PCDHGA7: variants seen among roughly 807,000 people sequenced by gnomAD.
The protein encoded by PCDHGA7 is protocadherin gamma subfamily A, 7.
Under a neutral mutation model 58.3 loss-of-function variants are expected in PCDHGA7, and 44 were observed. The observed-to-expected ratio is 0.75, with a 90% confidence interval of 0.59 to 0.97. The LOEUF is 0.97. Among genes scored for constraint, PCDHGA7 ranks in the 50% least tolerant of loss-of-function variants. The pLI is 0.00. For missense variants in PCDHGA7, 1,266 were observed against 1,188.7 expected, an observed-to-expected ratio of 1.06 and a Z score of -0.96; for synonymous variants, 516 against 504.2, an observed-to-expected ratio of 1.02 and a Z score of -0.31.
rs1229623400 is a variant in PCDHGA7, at chr5:141,505,984, T to A, written c.2572+503T>A. 4.6e-5 allele frequency among the ~76,000 whole-genome samples: 7 copies of A among 152,198 alleles called. No homozygotes were observed. In the East Asian group the frequency reaches 1.4e-3, roughly 30 times the overall value. On this transcript the variant is annotated intron_variant, in intron 3 of 3. Coordinates refer to ENST00000518325, the MANE Select transcript of PCDHGA7 (RefSeq NM_018920.4). ...AGAAATCCCCAGCCGAGAGAACACC[T>A]CCTCTTTATGCGAGGCTCCTCTTTT...
chr5:141,426,431 A>G (rs916399837), intron 1 of PCDHGA7: 1 of 297,328 alleles, frequency 3.4e-6, no homozygotes, highest in Non-Finnish European at 6.7e-6. Context: ...GTGGTGGGGA[A>G]CCTTGCGGAG....
chr5:141,436,099 T>C (rs1400528271), intron 1 of PCDHGA7, among the ~76,000 whole-genome samples: 1 of 152,128 alleles, frequency 6.6e-6, no homozygotes, highest in Non-Finnish European at 1.5e-5. Flanking sequence ...TTGAGAGAAA[T>C]AGAGGACAAT....
At chr5:141,408,784 A>G (rs777838376) in intron 1 of PCDHGA7, 2 of 1,612,506 alleles carry the variant, frequency 1.2e-6, no homozygotes, top group Admixed American at 1.7e-5. Context: ...ACCCAGAGTT[A>G]TCTCTGGAGA....
At chr5:141,474,807 A>C (rs945920397) in intron 1 of PCDHGA7, among the ~76,000 whole-genome samples, 8 of 152,364 alleles carry the variant, frequency 5.3e-5, no homozygotes, top group Admixed American at 1.3e-4. Context: ...AGTGGTTTGC[A>C]TCATTAATTG....
chr5:141,472,751 G>A (rs1000022316), intron 1 of PCDHGA7, among the ~76,000 whole-genome samples: 5 of 151,850 alleles, frequency 3.3e-5, no homozygotes, highest in East Asian at 3.9e-4. Flanking sequence ...TTTGGGAGGC[G>A]GAGGCTGGCA....
chr5:141,405,238 C>T, intron 1 of PCDHGA7: 1 of 1,614,168 alleles, frequency 6.2e-7, no homozygotes, highest in African/African-American at 1.3e-5. Flanking sequence ...TCACCGCTGA[C>T]TCAAGGAAGA....
At position 141,389,081 on chromosome 5, in the gene PCDHGA7, G is replaced by A. The variant is rs371979686; in HGVS notation, c.2424+3758G>A. On this transcript the variant is annotated intron_variant, in intron 1 of 3. Transcript: ENST00000518325. Reference sequence around the variant, plus strand: ...AAATATTAACTTCTTCAAGAAACACGTATAAATTAGTGACAGATGCTGTTC... The same window carrying A: ...AAATATTAACTTCTTCAAGAAACACATATAAATTAGTGACAGATGCTGTTC... 1.5e-5 allele frequency: 24 copies of A among 1,613,978 alleles called. No homozygotes were observed. In the South Asian group the frequency reaches 2.0e-4, roughly 13 times the overall value.
At chr5:141,418,899 T>C (rs1320380997) in intron 1 of PCDHGA7, 1 of 1,613,944 alleles carries the variant, frequency 6.2e-7, no homozygotes. Flanking sequence ...AGCCCAGAAA[T>C]AATCATCACG....
At chr5:141,414,821 A>G (rs1321959107) in intron 1 of PCDHGA7, 1 of 1,614,226 alleles carries the variant, frequency 6.2e-7, no homozygotes, top group South Asian at 1.1e-5. Flanking sequence ...CTCAGCAGCA[A>G]CGTGTCGTTG....
chr5:141,506,666 C>A (rs894880559), intron 3 of PCDHGA7, among the ~76,000 whole-genome samples: 2 of 152,120 alleles, frequency 1.3e-5, no homozygotes, highest in South Asian at 4.1e-4. Context: ...AGAGTAAGGG[C>A]ACAATATATT....
Position 141,431,241 on chromosome 5 carries a change from A to T in PCDHGA7, c.2424+45918A>T. On this transcript the variant is annotated intron_variant, in intron 1 of 3. Coordinates refer to ENST00000518325, the MANE Select transcript of PCDHGA7 (RefSeq NM_018920.4). This position sits in a 1 kb window ranked among gnomAD's most constrained non-coding sequence, Gnocchi z 4.8. ...CCTCTACCCCACGCCTGGGATCCGG[A>T]TATCGGGAAGAACTCTCTGCAGAGC... The T allele has an allele frequency of 6.2e-7, 1 of 1,614,138 alleles. No individual in the cohort carries two copies. The highest frequency in any genetic ancestry group is 8.5e-7 in the Non-Finnish European group (1 of 1,180,046).
chr5:141,501,025 C>T (rs999221755), intron 2 of PCDHGA7, among the ~76,000 whole-genome samples: 94 of 152,100 alleles, frequency 6.2e-4, no homozygotes, highest in East Asian at 1.9e-3. Flanking sequence ...CGCGCCACCA[C>T]GCCCAGCTAA....
At chr5:141,430,628 C>A in intron 1 of PCDHGA7, 2 of 798,952 alleles carry the variant, frequency 2.5e-6, no homozygotes, top group Non-Finnish European at 3.7e-6. Context: ...TAGGAATGAA[C>A]CATCCCTGGG....
intron 1 of PCDHGA7, chr5:141,385,646 C>A: frequency 1.4e-6 from 1 of 737,590 alleles, no homozygotes; most frequent in Non-Finnish European, 1.7e-6. Flanking sequence ...TTTCATATTG[C>A]ACAAGGTTAG....
rs1485764871 is a variant in PCDHGA7, at chr5:141,486,709, C to A, written c.2425-8098C>A. On this transcript the variant is annotated intron_variant, in intron 1 of 3. Coordinates refer to ENST00000518325, the MANE Select transcript of PCDHGA7 (RefSeq NM_018920.4). The surrounding 1 kb of genome is among the most constrained non-coding windows in gnomAD (Gnocchi z 5.0). ...CTTCCTCTTTCATCTCTCTGAACCC[C>A]CAGACAGGAGCTGTTCATGCTACTC... 6.2e-7 allele frequency: 1 copy of A among 1,614,182 alleles called. No homozygotes were observed. Among genetic ancestry groups the A allele is most frequent in the Admixed American group, 1.7e-5 (1 of 60,022 alleles).
intron 3 of PCDHGA7, 56 bp from the exon 4 acceptor site, chr5:141,510,891 G>A (rs945706652): frequency 8.7e-6 from 14 of 1,612,762 alleles, no homozygotes; most frequent in Middle Eastern, 1.6e-4. Flanking sequence ...ATATAAGACA[G>A]TGACTGTTGA....
rs917165100 is a variant in PCDHGA7, at chr5:141,442,878, C to T, written c.2425-51929C>T. Among the ~76,000 whole-genome samples, 6 of 152,178 alleles carry T rather than the reference C, an allele frequency of 3.9e-5. No homozygotes were observed. In the South Asian group the frequency reaches 8.3e-4, roughly 21 times the overall value. The stretch of plus-strand genomic sequence containing the variant: ...GTATGAGAGATGTAAATTTACAACT[C>T]AGAATCCCTGCTTATCACTTCTCCT... On this transcript the variant is annotated intron_variant, in intron 1 of 3. Coordinates refer to ENST00000518325, the MANE Select transcript of PCDHGA7 (RefSeq NM_018920.4).
chr5:141,422,487 T>C lies in PCDHGA7; in HGVS notation c.2424+37164T>C, dbSNP rs1295400741. 5.0e-6 allele frequency: 8 copies of C among 1,613,938 alleles called. No individual in the cohort carries two copies. The East Asian group carries it at 1.8e-4, about 36-fold the overall frequency. ...ACAGGGAGTTGGTCCAGAGCTACAA[T>C]ATAACGTTGACAGCCACAGACCAGG... On this transcript the variant is annotated intron_variant, in intron 1 of 3. Coordinates refer to ENST00000518325, the MANE Select transcript of PCDHGA7 (RefSeq NM_018920.4).
intron 1 of PCDHGA7, chr5:141,415,520 C>T: frequency 6.2e-7 from 1 of 1,614,190 alleles, no homozygotes; most frequent in Non-Finnish European, 8.5e-7. Flanking sequence ...TATGCGGACA[C>T]GCTCATCAGC....
Sources: allele counts gnomAD v4.1 joint callset (sites outside exome capture counted in the v4.1 genomes callset), GRCh38; gene constraint gnomAD v4.1.1; non-coding constraint Gnocchi (gnomAD v3.1); transcripts MANE v1.5; gene names NCBI Gene and HGNC (gene_info 2026-07-23, HGNC 2026-07-21).